The following PI4KA variants were observed in gnomAD, a reference collection of about 807,000 sequenced individuals.
PI4KA encodes the protein phosphatidylinositol 4-kinase alpha, also known as PI4-kinase alpha.
A neutral mutation model predicts 271.4 loss-of-function variants in PI4KA; 122 were observed. The ratio of observed to expected loss-of-function variants is 0.45; its 90% confidence interval spans 0.39 to 0.52. The LOEUF (loss-of-function observed/expected upper bound fraction) is 0.52. PI4KA is among the 20% of genes least tolerant of loss of function. PI4KA has a pLI of 0.00. For missense variants in PI4KA, 1,969 were observed against 2,769.1 expected (o/e 0.71, Z 6.48); for synonymous variants, 1,041 against 1,078.8 (o/e 0.96, Z 0.69).
intron 40 of PI4KA, 24 bp from the exon 41 acceptor site, chr22:20,727,421 T>C: frequency 1.4e-5 from 22 of 1,584,428 alleles, no homozygotes; most frequent in Non-Finnish European, 1.7e-5. Flanking sequence ...GGGGAGATGC[T>C]GTGGCTTGGG....
Position 20,751,769 on chromosome 22 carries a change from C to T in PI4KA, c.2988-14G>A. 6.2e-7 allele frequency: 1 copy of T among 1,612,770 alleles called. No homozygotes were observed. Among genetic ancestry groups the T allele is most frequent in the East Asian group, 2.2e-5 (1 of 44,856 alleles). On this transcript the variant is annotated splice_polypyrimidine_tract_variant and intron_variant, in intron 25 of 54. Coordinates refer to ENST00000255882, the MANE Select transcript of PI4KA (RefSeq NM_058004.4). ...AAGTGGGGAAACCTGCACCAAGAGC[C>T]AGCTCTCAGGACCAAGAGCCAAACC... is the stretch of plus-strand genomic sequence containing the variant.
chr22:20,720,203 G>A (rs574386655), intron 43 of PI4KA, among the ~76,000 whole-genome samples: 1 of 152,246 alleles, frequency 6.6e-6, no homozygotes, highest in South Asian at 2.1e-4. Flanking sequence ...TGTGGGTCCA[G>A]GTGCGACGTA....
At chr22:20,793,860 T>C (rs2147559365) in intron 18 of PI4KA, among the ~76,000 whole-genome samples, 1 of 152,370 alleles carries the variant, frequency 6.6e-6, no homozygotes, top group Admixed American at 6.5e-5. Flanking sequence ...ACACACTGAT[T>C]AGTAAAAATT....
rs746131498 is a variant in PI4KA, at chr22:20,718,647, A to T, written c.5246+46T>A. ...CAGGCAATTCTGTTAAGCTGCAGGGACTGGAAGGAGATCCCAGAAGGTGGT... is the reference window on the plus strand; with the variant it reads ...CAGGCAATTCTGTTAAGCTGCAGGGTCTGGAAGGAGATCCCAGAAGGTGGT... On this transcript the variant is annotated intron_variant, in intron 44 of 54. Coordinates refer to ENST00000255882, the MANE Select transcript of PI4KA (RefSeq NM_058004.4). The T allele has an allele frequency of 3.7e-6, 6 of 1,602,910 alleles. No individual in the cohort carries two copies. In the East Asian group the frequency reaches 1.3e-4, roughly 36 times the overall value.
chr22:20,738,234 A>C (rs1018319563), intron 32 of PI4KA, among the ~76,000 whole-genome samples: 3 of 152,190 alleles, frequency 2.0e-5, no homozygotes, highest in African/African-American at 7.2e-5. Flanking sequence ...CCACAGGAGG[A>C]CAGCCTCAGG....
rs528997204 is a variant in PI4KA at position 20,718,011 on chromosome 22, C to T, written c.5247-233G>A. Among the ~76,000 whole-genome samples, 621 of 152,122 alleles carry T rather than the reference C, an allele frequency of 4.1e-3. 2 individuals carry two copies. Among genetic ancestry groups the T allele is most frequent in the African/African-American group, 0.014 (588 of 41,506 alleles). On this transcript the variant is annotated intron_variant, in intron 44 of 54. Coordinates refer to ENST00000255882, the MANE Select transcript of PI4KA (RefSeq NM_058004.4). ...TGGCAGGCTCTGCCCCTGCTGTGTG[C>T]GGGGGTGTGTGGCTGGGGGTGGTGG...
At chr22:20,761,924 G>C (rs1171813020) in intron 22 of PI4KA, among the ~76,000 whole-genome samples, 1 of 151,982 alleles carries the variant, frequency 6.6e-6, no homozygotes, top group African/African-American at 2.4e-5. Context: ...AAAATTTCTA[G>C]AGGAAAATTA....
chr22:20,757,387 G>A (rs774614353), intron 23 of PI4KA, among the ~76,000 whole-genome samples: 7 of 152,298 alleles, frequency 4.6e-5, no homozygotes, highest in South Asian at 2.1e-4. Context: ...AGGTGAGGAG[G>A]AACAATCAGT....
chr22:20,750,080 T>C (rs1930506857), intron 27 of PI4KA, 86 bp from the exon 28 acceptor site: 6 of 830,416 alleles, frequency 7.2e-6, no homozygotes, highest in Non-Finnish European at 1.3e-5. Flanking sequence ...GAACTATGTC[T>C]CCCCAAATCC....
intron 18 of PI4KA, among the ~76,000 whole-genome samples, chr22:20,793,553 A>G (rs999309610): frequency 1.3e-5 from 2 of 152,228 alleles, no homozygotes; most frequent in African/African-American, 4.8e-5. Context: ...CACCATGGAA[A>G]GAGCCCACAG....
chr22:20,720,449 G>A (rs1601329185), intron 43 of PI4KA, among the ~76,000 whole-genome samples: 1 of 152,184 alleles, frequency 6.6e-6, no homozygotes, highest in African/African-American at 2.4e-5. Context: ...CTACTTGGGA[G>A]GATGAGGCAG....
chr22:20,731,624 T>C (rs1258868532), intron 36 of PI4KA, among the ~76,000 whole-genome samples: 1 of 151,946 alleles, frequency 6.6e-6, no homozygotes, highest in Admixed American at 6.6e-5. Context: ...TGAAGCCCTG[T>C]CTCTACTAAA....
intron 28 of PI4KA, 147 bp downstream of exon 28, chr22:20,749,758 C>G: frequency 2.1e-4 from 125 of 598,492 alleles, no homozygotes; most frequent in Middle Eastern, 5.7e-4. Context: ...GCCTCTGAGG[C>G]ATCTATTATT....
rs1236731024 is a variant in PI4KA at position 20,803,222 on chromosome 22, C to T, written c.1560G>A (p.Lys520=). ...GGTACTGACTGTGGTACTTGTAGAG[C>T]TTCACCAGAACTGGGGACGGGATGA... is the stretch of plus-strand genomic sequence containing the variant. The part of the protein sequence containing the change: ...FLVIPSPVLV[K]LYKYHSQYHT... Residue 520 remains lysine (K), a synonymous_variant, in exon 13 of 55, where the codon AAG becomes AAA. Coordinates refer to ENST00000255882, the MANE Select transcript of PI4KA (RefSeq NM_058004.4). The T allele has an allele frequency of 2.5e-6, 4 of 1,614,130 alleles. No homozygotes were observed. The Admixed American group carries it at 5.0e-5, about 20-fold the overall frequency.
chr22:20,771,913 C>T (rs1932892695), intron 19 of PI4KA, among the ~76,000 whole-genome samples: 1 of 152,018 alleles, frequency 6.6e-6, no homozygotes, highest in African/African-American at 2.4e-5. Context: ...AAAAGTAATA[C>T]ATACACATAG....
At chr22:20,814,302 T>C (rs903325498) in intron 7 of PI4KA, among the ~76,000 whole-genome samples, 4 of 152,046 alleles carry the variant, frequency 2.6e-5, no homozygotes, top group African/African-American at 7.2e-5. Flanking sequence ...TACATAGAGG[T>C]AGAATGGTAG....
At chr22:20,743,408 T>C (rs1929690370) in intron 30 of PI4KA, among the ~76,000 whole-genome samples, 1 of 152,098 alleles carries the variant, frequency 6.6e-6, no homozygotes, top group Non-Finnish European at 1.5e-5. Context: ...CCTCCCTAAG[T>C]GCTGGGATTA....
At chr22:20,718,256 A>G (rs1266432006) in intron 44 of PI4KA, among the ~76,000 whole-genome samples, 1 of 152,218 alleles carries the variant, frequency 6.6e-6, no homozygotes, top group East Asian at 1.9e-4. Flanking sequence ...GCACAAAGCC[A>G]TCAACATCCA....
chr22:20,718,673 T>A lies in PI4KA; in HGVS notation c.5246+20A>T. 6.2e-7 allele frequency: 1 copy of A among 1,612,496 alleles called. No individual in the cohort carries two copies. Among genetic ancestry groups the A allele is most frequent in the Non-Finnish European group, 8.5e-7 (1 of 1,179,712 alleles). The stretch of plus-strand genomic sequence containing the variant: ...CTGGAAGGAGATCCCAGAAGGTGGT[T>A]TCTGAAGCACTGCACTTACTTGATG... On this transcript the variant is annotated intron_variant, in intron 44 of 54. Transcript: ENST00000255882.
Sources: allele counts gnomAD v4.1 joint callset (sites outside exome capture counted in the v4.1 genomes callset), GRCh38; gene constraint gnomAD v4.1.1; transcripts MANE v1.5; gene names NCBI Gene and HGNC (gene_info 2026-07-23, HGNC 2026-07-21).